Variants in SLC4A10 observed in about 807,000 individuals in gnomAD.
SLC4A10 encodes the protein solute carrier family 4 member 10, also known as sodium-driven chloride bicarbonate exchanger.
A neutral mutation model predicts 137.7 loss-of-function variants in SLC4A10; 42 were observed. The observed-to-expected ratio is 0.30, with a 90% CI of 0.24 to 0.39. SLC4A10 has a LOEUF of 0.39. SLC4A10 is among the 10% of genes least tolerant of loss of function. SLC4A10 has a pLI of 1.00. For missense variants in SLC4A10, 925 were observed against 1,355.0 expected (o/e 0.68, Z 4.98); for synonymous variants, 474 against 464.1 (o/e 1.02, Z -0.27).
At chr2:161,865,995 A>G (rs1303635393) in intron 6 of SLC4A10, among the ~76,000 whole-genome samples, 1 of 152,046 alleles carries the variant, frequency 6.6e-6, no homozygotes, top group Non-Finnish European at 1.5e-5. Flanking sequence ...TAGAATAGAA[A>G]TTAAATAGAG....
At chr2:161,625,136 T>C (rs1478863188) in intron 1 of SLC4A10, among the ~76,000 whole-genome samples, 4 of 151,362 alleles carry the variant, frequency 2.6e-5, no homozygotes, top group African/African-American at 7.3e-5. Flanking sequence ...CAAAGGCAAA[T>C]GTGTCATGGT....
At chr2:161,936,247 C>A (rs1164356680) in intron 15 of SLC4A10, among the ~76,000 whole-genome samples, 1 of 151,932 alleles carries the variant, frequency 6.6e-6, no homozygotes, top group African/African-American at 2.4e-5. Context: ...ATAATATTTT[C>A]TTGTAATGTT....
chr2:161,913,915 G>T (rs1686477024), intron 15 of SLC4A10, among the ~76,000 whole-genome samples: 1 of 152,118 alleles, frequency 6.6e-6, no homozygotes, highest in Admixed American at 6.5e-5. Flanking sequence ...AATTATTCTT[G>T]TTCATGTAAA....
At chr2:161,714,253 A>G (rs557409315) in intron 1 of SLC4A10, among the ~76,000 whole-genome samples, 2 of 152,082 alleles carry the variant, frequency 1.3e-5, no homozygotes, top group Admixed American at 6.6e-5. Context: ...TTCACCTGGT[A>G]GGAACCCAAC....
intron 25 of SLC4A10, 70 bp downstream of exon 25, chr2:161,976,946 GA>G: frequency 1.3e-6 from 1 of 766,486 alleles, no homozygotes; most frequent in African/African-American, 1.8e-5. Context: ...ATAAGCAAAA[GA>G]ATAATATTAG....
chr2:161,865,200 G>A (rs1479972370), intron 6 of SLC4A10, among the ~76,000 whole-genome samples: 1 of 151,520 alleles, frequency 6.6e-6, no homozygotes, highest in Non-Finnish European at 1.5e-5. Flanking sequence ...AGAATTTATT[G>A]GAGCAATGAT....
rs1700482753 is a variant in SLC4A10 at position 161,983,377 on chromosome 2, C to T, written c.*225C>T. ...CCTTCATACTGTAAGTAGTGCAATA[C>T]TTGTTTCATTTCTGTGTTTAAACTT... On this transcript the variant is annotated 3_prime_UTR_variant, in exon 27 of 27. Coordinates refer to ENST00000446997, the MANE Select transcript of SLC4A10 (RefSeq NM_001178015.2). 4 of 736,214 alleles carry T rather than the reference C, an allele frequency of 5.4e-6. No individual in the cohort carries two copies. The highest frequency in any genetic ancestry group is 2.8e-5 in the Admixed American group (1 of 35,376). The allele number at this position is 736,214 out of a possible 1,614,324, so 45.6% of individuals were successfully genotyped here.
intron 15 of SLC4A10, among the ~76,000 whole-genome samples, chr2:161,936,699 T>A (rs888482336): frequency 1.3e-5 from 2 of 152,194 alleles, no homozygotes; most frequent in African/African-American, 4.8e-5. Flanking sequence ...GCTCAACATT[T>A]GTTGATTTTG....
At chr2:161,730,689 C>CT (rs2046734201) in intron 1 of SLC4A10, among the ~76,000 whole-genome samples, 2 of 152,156 alleles carry the variant, frequency 1.3e-5, no homozygotes, top group African/African-American at 4.8e-5. Context: ...TAGATGACCT[C>CT]TAAGAGTACT....
At chr2:161,701,653 C>G (rs1406424164) in intron 1 of SLC4A10, among the ~76,000 whole-genome samples, 1 of 151,814 alleles carries the variant, frequency 6.6e-6, no homozygotes, top group Non-Finnish European at 1.5e-5. Context: ...CCTACTATAA[C>G]AGTGAATACT....
intron 3 of SLC4A10, among the ~76,000 whole-genome samples, chr2:161,815,861 C>T (rs1416428441): frequency 1.3e-5 from 2 of 151,988 alleles, no homozygotes; most frequent in Admixed American, 6.6e-5. Context: ...TATTTTTTGC[C>T]ACTATTTTTG....
Position 161,763,230 on chromosome 2 carries a change from A to C in SLC4A10, c.49-7743A>C, listed in dbSNP as rs527388571. ...TTATTTGGCAATATTTTTTTGAAAGATGTTTCTTACTCAAAGTCGTGTACG... is the reference window on the plus strand; with the variant it reads ...TTATTTGGCAATATTTTTTTGAAAGCTGTTTCTTACTCAAAGTCGTGTACG... On this transcript the variant is annotated intron_variant, in intron 1 of 26. Transcript: ENST00000446997. Among the ~76,000 whole-genome samples, 31 of 152,112 alleles carry C rather than the reference A, an allele frequency of 2.0e-4. No individual in the cohort carries two copies. The South Asian group carries it at 6.0e-3, about 29-fold the overall frequency.
intron 1 of SLC4A10, among the ~76,000 whole-genome samples, chr2:161,694,514 A>G (rs1399888155): frequency 6.6e-6 from 1 of 151,852 alleles, no homozygotes; most frequent in East Asian, 1.9e-4. Context: ...TTCTATATAT[A>G]CTGTACATAT....
At chr2:161,941,462 GT>G (rs1251465292) in intron 15 of SLC4A10, among the ~76,000 whole-genome samples, 1 of 152,180 alleles carries the variant, frequency 6.6e-6, no homozygotes, top group Admixed American at 6.6e-5. Flanking sequence ...CACACGTGTA[GT>G]AAGCTAACAT....
chr2:161,959,185 G>A (rs1696183549), intron 21 of SLC4A10, among the ~76,000 whole-genome samples: 2 of 152,046 alleles, frequency 1.3e-5, no homozygotes, highest in African/African-American at 4.8e-5. Flanking sequence ...ATATCCCGGG[G>A]GTTTTCCCCC....
At chr2:161,728,613 G>C (rs1018494731) in intron 1 of SLC4A10, among the ~76,000 whole-genome samples, 1 of 151,938 alleles carries the variant, frequency 6.6e-6, no homozygotes, top group Non-Finnish European at 1.5e-5. Flanking sequence ...TTTCACTGGA[G>C]AATTCTCTTA....
chr2:161,905,241 G>C (rs1327869586), intron 14 of SLC4A10, among the ~76,000 whole-genome samples: 1 of 152,164 alleles, frequency 6.6e-6, no homozygotes, highest in African/African-American at 2.4e-5. Context: ...CCACAAAGAG[G>C]GTTGAGGGGA....
At chr2:161,931,329 G>A (rs1690346504) in intron 15 of SLC4A10, 1 of 152,348 alleles carries the variant, frequency 6.6e-6, no homozygotes, top group Non-Finnish European at 1.5e-5. Flanking sequence ...ATGAGCAAAG[G>A]TGATGTTCGG....
chr2:161,745,933 G>C (rs1229697815), intron 1 of SLC4A10, among the ~76,000 whole-genome samples: 2 of 152,082 alleles, frequency 1.3e-5, no homozygotes, highest in African/African-American at 4.8e-5. Context: ...AACAAATGGA[G>C]TTTCTCTCAC....
Sources: gnomAD v4.1 joint callset for allele counts (sites outside exome capture counted in the v4.1 genomes callset) on GRCh38, gnomAD v4.1.1 for gene constraint, MANE v1.5 for transcripts, NCBI Gene and HGNC (gene_info 2026-07-23, HGNC 2026-07-21) for gene names.